TF: variants seen among roughly 807,000 people sequenced by gnomAD.
TF encodes transferrin.
TF carries 55 observed loss-of-function variants against 82.4 expected under a neutral mutation model. The observed-to-expected ratio is 0.67, with a 90% CI of 0.54 to 0.84. TF has a LOEUF of 0.84. Among genes scored for constraint, TF ranks in the 40% least tolerant of loss-of-function variants. The pLI is 0.00. For synonymous variants in TF, 332 were observed against 332.6 expected, an observed-to-expected ratio of 1.00 and a Z score of 0.02; for missense variants, 737 against 868.4, an observed-to-expected ratio of 0.85 and a Z score of 1.90.
rs1278136371 is a variant in TF, at chr3:133,789,044, G to A, written c.*10424G>A. On this transcript the variant is annotated 3_prime_UTR_variant, in exon 17 of 17. Coordinates refer to ENST00000402696, the MANE Select transcript of TF (RefSeq NM_001063.4). ...CCTCTGGAGGGAAAATATGCAAAGC[G>A]GCACTGGTGCCCACGTAAGGTCAGA... 3.3e-5 allele frequency: 5 copies of A among 152,360 alleles called. No homozygotes were observed. Among genetic ancestry groups the A allele is most frequent in the Admixed American group, 6.5e-5 (1 of 15,302 alleles). 9.4% of individuals were successfully genotyped at this position (152,360 alleles called of 1,614,324 possible).
intron 10 of TF, among the ~76,000 whole-genome samples, 159 bp downstream of exon 10, chr3:133,764,434 C>T (rs1326653131): frequency 6.6e-6 from 1 of 152,158 alleles, no homozygotes; most frequent in African/African-American, 2.4e-5. Context: ...ATCTCAAATC[C>T]CCACAGTCAT....
At chr3:133,674,736 A>T in the TF span, among the ~76,000 whole-genome samples, 22,563 of 151,998 alleles carry the variant, frequency 0.15, 1,910 homozygotes, top group Non-Finnish European at 0.2. Flanking sequence ...TCACAGCGGG[A>T]CCCTGCGCGA....
Position 133,775,524 on chromosome 3 carries a change from T to C in TF, c.1779T>C (p.Tyr593=), listed in dbSNP as rs756570314. The part of the protein sequence containing the change: ...LDGTRKPVEE[Y]ANCHLARAPN... The stretch of plus-strand genomic sequence containing the variant: ...GTACCAGGAAACCTGTGGAGGAGTA[T>C]GCGAACTGCCACCTGGCCAGAGCCC... The change falls in exon 15 of 17, where the codon TAT becomes TAC. Residue 593 remains tyrosine, a synonymous_variant. Coordinates refer to ENST00000402696, the MANE Select transcript of TF (RefSeq NM_001063.4). The C allele has an allele frequency of 3.1e-6, 5 of 1,614,170 alleles. No individual in the cohort carries two copies. The highest frequency in any genetic ancestry group is 4.2e-6 in the Non-Finnish European group (5 of 1,180,008).
chr3:133,676,383 G>A, the TF span, among the ~76,000 whole-genome samples: 2 of 152,200 alleles, frequency 1.3e-5, no homozygotes, highest in African/African-American at 2.4e-5. Context: ...CCTGTTTTGC[G>A]AGGGTGGGCT....
At chr3:133,662,656 G>A in the TF span, among the ~76,000 whole-genome samples, 1 of 115,874 alleles carries the variant, frequency 8.6e-6, no homozygotes, top group South Asian at 3.4e-4. Context: ...AGAGCAAAGG[G>A]AGAGGGGATA....
chr3:133,746,634 C>G (rs1208460478), intron 1 of TF, 151 bp downstream of exon 1: 7 of 849,404 alleles, frequency 8.2e-6, no homozygotes, highest in Non-Finnish European at 7.5e-6. Flanking sequence ...ACGCCCCACC[C>G]CTGGCCTTTG....
At chr3:133,764,447 T>G (rs922840354) in intron 10 of TF, among the ~76,000 whole-genome samples, 172 bp downstream of exon 10, 1 of 152,244 alleles carries the variant, frequency 6.6e-6, no homozygotes, top group Non-Finnish European at 1.5e-5. Flanking sequence ...ACAGTCATCT[T>G]GAAGGTTGGG....
the TF span, among the ~76,000 whole-genome samples, chr3:133,721,777 C>T: frequency 6.6e-6 from 1 of 152,148 alleles, no homozygotes; most frequent in African/African-American, 2.4e-5. Flanking sequence ...CTATTGGATG[C>T]ATATCTACTT....
the TF span, among the ~76,000 whole-genome samples, chr3:133,711,150 T>C: frequency 3.3e-5 from 5 of 152,208 alleles, no homozygotes; most frequent in Non-Finnish European, 7.3e-5. Flanking sequence ...CGTTGCTAAA[T>C]GAAACTCTTT....
At chr3:133,714,114 G>A in the TF span, among the ~76,000 whole-genome samples, 2 of 152,178 alleles carry the variant, frequency 1.3e-5, no homozygotes, top group Admixed American at 6.5e-5. Flanking sequence ...GAAGAGCAAC[G>A]TAGGATGAAG....
chr3:133,710,768 G>C, the TF span, among the ~76,000 whole-genome samples: 1 of 152,164 alleles, frequency 6.6e-6, no homozygotes, highest in Non-Finnish European at 1.5e-5. Flanking sequence ...TAAACACACC[G>C]AATGTTTTCC....
At position 133,779,382 on chromosome 3, in the gene TF, C is replaced by T. The variant is rs570215214; in HGVS notation, c.*762C>T. 1.7e-4 allele frequency: 26 copies of T among 152,306 alleles called. No homozygotes were observed. The highest frequency in any genetic ancestry group is 6.0e-4 in the African/African-American group (25 of 41,540). The allele number at this position is 152,306 out of a possible 1,614,324, so 9.4% of individuals were successfully genotyped here. On this transcript the variant is annotated 3_prime_UTR_variant, in exon 17 of 17. Coordinates refer to ENST00000402696, the MANE Select transcript of TF (RefSeq NM_001063.4). Reference sequence around the variant, plus strand: ...TGCTTCACCAACTTACCTGAATGTACCCTGGCAAAAGTCACCGTCTACCTG... The same window carrying T: ...TGCTTCACCAACTTACCTGAATGTATCCTGGCAAAAGTCACCGTCTACCTG...
At chr3:133,771,607 G>C (rs1470083618) in intron 14 of TF, among the ~76,000 whole-genome samples, 1 of 151,646 alleles carries the variant, frequency 6.6e-6, no homozygotes, top group Non-Finnish European at 1.5e-5. Context: ...CGCGGTGGTG[G>C]GCGCCTGTAG....
At chr3:133,678,645 C>A in the TF span, among the ~76,000 whole-genome samples, 13 of 152,034 alleles carry the variant, frequency 8.6e-5, no homozygotes, top group Admixed American at 2.0e-4. Context: ...GTTTGTTGGC[C>A]GCATAAATGT....
chr3:133,671,951 C>T, the TF span, among the ~76,000 whole-genome samples: 3 of 152,000 alleles, frequency 2.0e-5, no homozygotes, highest in African/African-American at 7.2e-5. Context: ...AAGGTTGATT[C>T]TCTGAAAAGA....
chr3:133,775,536 C>A lies in TF; in HGVS notation c.1791C>A (p.His597Gln). The change falls in exon 15 of 17, where the codon CAC (histidine) becomes CAA (glutamine). Residue 597 changes from histidine (H) to glutamine (Q), a missense_variant. Transcript: ENST00000402696. ...RKPVEEYANC[H>Q]LARAPNHAVV... The stretch of plus-strand genomic sequence containing the variant: ...CTGTGGAGGAGTATGCGAACTGCCA[C>A]CTGGCCAGAGCCCCGAATCACGCTG... 1 of 1,614,192 alleles carries A rather than the reference C, an allele frequency of 6.2e-7. No individual in the cohort carries two copies. Among genetic ancestry groups the A allele is most frequent in the Non-Finnish European group, 8.5e-7 (1 of 1,180,022 alleles).
At chr3:133,690,931 A>G in the TF span, among the ~76,000 whole-genome samples, 1 of 152,098 alleles carries the variant, frequency 6.6e-6, no homozygotes, top group Non-Finnish European at 1.5e-5. Flanking sequence ...TCCTTTTCTT[A>G]AGGTTATTTA....
At chr3:133,681,997 C>T in the TF span, among the ~76,000 whole-genome samples, 3 of 152,076 alleles carry the variant, frequency 2.0e-5, no homozygotes, top group Non-Finnish European at 2.9e-5. Context: ...CCATCTGAGA[C>T]GAAGCTTCCA....
At chr3:133,757,515 G>A (rs917274917) in intron 7 of TF, among the ~76,000 whole-genome samples, 3 of 152,222 alleles carry the variant, frequency 2.0e-5, no homozygotes, top group Non-Finnish European at 2.9e-5. Context: ...GATTAGCCAC[G>A]TTTCTTGTTC....
Sources: allele counts gnomAD v4.1 joint callset (sites outside exome capture counted in the v4.1 genomes callset), GRCh38; gene constraint gnomAD v4.1.1; transcripts MANE v1.5; gene names NCBI Gene and HGNC (gene_info 2026-07-23, HGNC 2026-07-21).